Variants in CDCA7L observed in about 807,000 individuals in gnomAD.
The protein encoded by CDCA7L is cell division cycle-associated 7-like protein.
CDCA7L carries 44 observed loss-of-function variants against 57.4 expected under a neutral mutation model. The ratio of observed to expected loss-of-function variants is 0.77; its 90% CI spans 0.60 to 0.98. CDCA7L has a LOEUF of 0.98. Ranked by LOEUF, CDCA7L falls within the 50% of genes least tolerant of loss-of-function variation. CDCA7L has a pLI of 0.00. For synonymous variants in CDCA7L, 236 were observed against 202.8 expected (o/e 1.16, Z -1.39); for missense variants, 644 against 580.6 (o/e 1.11, Z -1.12).
chr7:21,939,945 C>T (rs2128070911), intron 1 of CDCA7L, among the ~76,000 whole-genome samples: 1 of 135,988 alleles, frequency 7.4e-6, no homozygotes, highest in South Asian at 2.5e-4. Context: ...CCCTAAATCT[C>T]AATCAATAGC....
At chr7:21,926,107 C>A (rs1224993421) in intron 1 of CDCA7L, among the ~76,000 whole-genome samples, 1 of 152,120 alleles carries the variant, frequency 6.6e-6, no homozygotes, top group African/African-American at 2.4e-5. Context: ...AGGGCAACCA[C>A]AGTTAGACTT....
chr7:21,914,227 G>C (rs1033438397), intron 2 of CDCA7L, among the ~76,000 whole-genome samples: 1 of 152,158 alleles, frequency 6.6e-6, no homozygotes, highest in African/African-American at 2.4e-5. Flanking sequence ...AACACCCCCC[G>C]TGCTCACTGT....
chr7:21,938,985 G>A (rs1264101450), intron 1 of CDCA7L, among the ~76,000 whole-genome samples: 1 of 152,088 alleles, frequency 6.6e-6, no homozygotes, highest in African/African-American at 2.4e-5. Flanking sequence ...CTCCAGCCTG[G>A]GCAACAGAGT....
chr7:21,902,953 T>C, intron 9 of CDCA7L, 25 bp downstream of exon 9: 1 of 1,607,644 alleles, frequency 6.2e-7, no homozygotes, highest in Non-Finnish European at 8.5e-7. Flanking sequence ...CAAGCTGTTT[T>C]GTAAGCTGCT....
At chr7:21,912,909 T>C (rs999800566) in intron 2 of CDCA7L, among the ~76,000 whole-genome samples, 1 of 152,120 alleles carries the variant, frequency 6.6e-6, no homozygotes, top group African/African-American at 2.4e-5. Flanking sequence ...CTTAATAGTA[T>C]ACTTGAAAGA....
chr7:21,934,940 AG>A, intron 1 of CDCA7L, among the ~76,000 whole-genome samples: 1 of 127,274 alleles, frequency 7.9e-6, no homozygotes, highest in African/African-American at 2.5e-5. Flanking sequence ...AACTGAATGA[AG>A]AAATAGACTG....
At chr7:21,904,603 C>G (rs1208682768) in intron 7 of CDCA7L, among the ~76,000 whole-genome samples, 3 of 152,188 alleles carry the variant, frequency 2.0e-5, no homozygotes, top group Non-Finnish European at 2.9e-5. Context: ...TGTGAGGGAT[C>G]TAGGTTGTGC....
chr7:21,916,819 G>A lies in CDCA7L; in HGVS notation c.100C>T (p.Pro34Ser), dbSNP rs144827468. Residue 34 changes from proline to serine, a missense_variant, in exon 2 of 10, where the codon CCC becomes TCC. Transcript: ENST00000406877. ...TCCTCTGACGAGAGGGTTTCCATGG[G>A]AACATCATCTCGGAAGCCAACAAAC... ...EEFVGFRDDVPMETLSSEESC... is the reference protein window; with the variant it reads ...EEFVGFRDDVSMETLSSEESC... 3.6e-5 allele frequency: 58 copies of A among 1,613,882 alleles called. No individual in the cohort carries two copies. In the African/African-American group the frequency reaches 6.1e-4, roughly 17 times the overall value.
At chr7:21,937,036 G>A (rs557226047) in intron 1 of CDCA7L, among the ~76,000 whole-genome samples, 26 of 152,124 alleles carry the variant, frequency 1.7e-4, no homozygotes, top group South Asian at 8.3e-4. Context: ...TTAAGAAAAC[G>A]ATTCCATTTA....
rs1322889796 is a variant in CDCA7L, at chr7:21,901,345, T to A, written c.*977A>T. ...CTGTTCCCATGCACATTATTCTAAC[T>A]TTTTAGTAACTCACACGTGCATTCT... On this transcript the variant is annotated 3_prime_UTR_variant, in exon 10 of 10. Coordinates refer to ENST00000406877, the MANE Select transcript of CDCA7L (RefSeq NM_018719.5). 3 of 1,426,486 alleles carry A rather than the reference T, an allele frequency of 2.1e-6. No individual in the cohort carries two copies. The highest frequency in any genetic ancestry group is 1.8e-6 in the Non-Finnish European group (2 of 1,085,856). 88.4% of individuals were successfully genotyped at this position (1,426,486 alleles called of 1,614,324 possible). A position where few individuals can be genotyped will look rare whatever the true frequency, so the allele number is the denominator to read the frequency against.
In CDCA7L at chr7:21,902,070, C is replaced by A; in HGVS notation, c.*252G>T. On this transcript the variant is annotated 3_prime_UTR_variant, in exon 10 of 10. Transcript: ENST00000406877. Reference sequence around the variant, plus strand: ...CCATTTAAACTGTGCTTTTTAATAACTGGCAGATATTTTTAACAAAGTTCA... The same window carrying A: ...CCATTTAAACTGTGCTTTTTAATAAATGGCAGATATTTTTAACAAAGTTCA... The A allele has an allele frequency of 2.0e-6, 1 of 496,640 alleles. No individual in the cohort carries two copies. Among genetic ancestry groups the A allele is most frequent in the Non-Finnish European group, 3.6e-6 (1 of 276,424 alleles). The allele number at this position is 496,640 out of a possible 1,614,324, so 30.8% of individuals were successfully genotyped here.
intron 2 of CDCA7L, among the ~76,000 whole-genome samples, chr7:21,915,864 G>A (rs1439743354): frequency 6.6e-6 from 1 of 151,916 alleles, no homozygotes; most frequent in Admixed American, 6.6e-5. Context: ...AGAGCAAAAG[G>A]TGTAACAGAG....
chr7:21,905,914 G>A (rs1262986934), intron 6 of CDCA7L, among the ~76,000 whole-genome samples: 1 of 152,182 alleles, frequency 6.6e-6, no homozygotes, highest in East Asian at 1.9e-4. Context: ...CCCACAAATG[G>A]GTCCACAGTT....
intron 1 of CDCA7L, among the ~76,000 whole-genome samples, chr7:21,918,753 G>C (rs981767426): frequency 6.6e-5 from 10 of 152,250 alleles, no homozygotes; most frequent in Admixed American, 6.5e-5. Flanking sequence ...AGGTCTGGCT[G>C]TCTCTTTTTT....
intron 1 of CDCA7L, among the ~76,000 whole-genome samples, chr7:21,932,793 T>C (rs1029150838): frequency 6.6e-6 from 1 of 152,256 alleles, no homozygotes; most frequent in Middle Eastern, 3.4e-3. Context: ...AAAGCCAGAA[T>C]TGACAAATGG....
rs750177138 is a variant in CDCA7L, at chr7:21,903,002, T to C, written c.1310A>G (p.Asp437Gly). The change falls in exon 9 of 10, where the codon GAC (aspartate) becomes GGC (glycine). Residue 437 changes from aspartate to glycine, a missense_variant. By Grantham distance (94) the Asp-to-Gly change is moderately conservative. Transcript: ENST00000406877. ...CCTCTCCAGATATTCCTTAACATTG[T>C]CATAACCATAAAACTTGGCCAGATG... The part of the protein sequence containing the change: ...LIHLAKFYGY[D>G]NVKEYLESLQ... The C allele has an allele frequency of 5.6e-6, 9 of 1,613,818 alleles. No homozygotes were observed. The highest frequency in any genetic ancestry group is 1.7e-5 in the Admixed American group (1 of 59,994).
chr7:21,917,582 T>A (rs1036941619), intron 1 of CDCA7L, among the ~76,000 whole-genome samples: 1 of 152,216 alleles, frequency 6.6e-6, no homozygotes, highest in Admixed American at 6.5e-5. Context: ...CACACAGAAA[T>A]GTGAAAAAAT....
At chr7:21,928,849 C>A (rs1404124783) in intron 1 of CDCA7L, among the ~76,000 whole-genome samples, 1 of 152,044 alleles carries the variant, frequency 6.6e-6, no homozygotes, top group African/African-American at 2.4e-5. Flanking sequence ...CTCAAAGTGA[C>A]GAGGAGAATG....
At chr7:21,926,162 T>C (rs563163696) in intron 1 of CDCA7L, among the ~76,000 whole-genome samples, 1 of 152,316 alleles carries the variant, frequency 6.6e-6, no homozygotes, top group South Asian at 2.1e-4. Context: ...TTAAAAACAT[T>C]TCCAAGCATC....
Sources: gnomAD v4.1 joint callset for allele counts (sites outside exome capture counted in the v4.1 genomes callset) on GRCh38, gnomAD v4.1.1 for gene constraint, MANE v1.5 for transcripts, NCBI Gene and HGNC (gene_info 2026-07-23, HGNC 2026-07-21) for gene names.